The following UBE2E2 variants were observed in gnomAD, a reference collection of about 807,000 sequenced individuals.
UBE2E2 encodes ubiquitin-conjugating enzyme E2 E2.
UBE2E2 carries 6 observed loss-of-function variants against 24.7 expected under a neutral mutation model. The observed-to-expected ratio is 0.24, with a 90% CI of 0.13 to 0.48. The LOEUF is 0.48. Ranked by LOEUF, UBE2E2 falls within the 20% of genes least tolerant of loss-of-function variation. UBE2E2 has a pLI of 0.99. For synonymous variants in UBE2E2, 104 were observed against 83.6 expected, an observed-to-expected ratio of 1.24 and a Z score of -1.33; for missense variants, 169 against 245.0, an observed-to-expected ratio of 0.69 and a Z score of 2.07.
At chr3:23,414,650 G>C (rs995873394) in intron 3 of UBE2E2, among the ~76,000 whole-genome samples, 6 of 152,158 alleles carry the variant, frequency 3.9e-5, no homozygotes, top group Admixed American at 2.0e-4. Flanking sequence ...GCTATGATAT[G>C]TGTCTCCTCA....
At chr3:23,574,229 G>A (rs1696292626) in intron 5 of UBE2E2, among the ~76,000 whole-genome samples, 1 of 152,152 alleles carries the variant, frequency 6.6e-6, no homozygotes, top group Non-Finnish European at 1.5e-5. Flanking sequence ...GGCTGGAAAA[G>A]GTAGTTGGTG....
At chr3:23,354,930 G>GT (rs972768877) in intron 3 of UBE2E2, among the ~76,000 whole-genome samples, 4 of 152,090 alleles carry the variant, frequency 2.6e-5, no homozygotes, top group Admixed American at 2.0e-4. Context: ...ACATGCACAC[G>GT]TATGTTTATT....
At chr3:23,418,997 A>C (rs977963596) in intron 3 of UBE2E2, among the ~76,000 whole-genome samples, 8 of 147,688 alleles carry the variant, frequency 5.4e-5, no homozygotes, top group African/African-American at 2.0e-4. Flanking sequence ...TCTGTTGGCC[A>C]GGCTTGACTG....
At chr3:23,519,565 T>C (rs1425739722) in intron 4 of UBE2E2, among the ~76,000 whole-genome samples, 1 of 152,186 alleles carries the variant, frequency 6.6e-6, no homozygotes, top group Non-Finnish European at 1.5e-5. Flanking sequence ...ACATGTTAAG[T>C]GAGAGTTTTC....
At chr3:23,387,026 AG>A (rs370465270) in intron 3 of UBE2E2, among the ~76,000 whole-genome samples, 57 of 152,326 alleles carry the variant, frequency 3.7e-4, no homozygotes, top group African/African-American at 8.7e-4. Flanking sequence ...GTACCTATAA[AG>A]GATTATGAAA....
chr3:23,369,718 A>C (rs1018292134), intron 3 of UBE2E2, among the ~76,000 whole-genome samples: 1 of 152,202 alleles, frequency 6.6e-6, no homozygotes, highest in Admixed American at 6.5e-5. Context: ...AGAGGTAAGC[A>C]TTAAGGTCCT....
chr3:23,349,285 A>G (rs1161637364), intron 3 of UBE2E2, among the ~76,000 whole-genome samples: 3 of 152,230 alleles, frequency 2.0e-5, no homozygotes, highest in Non-Finnish European at 2.9e-5. Context: ...GCTCCAGTCT[A>G]CAGCTCCCAG....
intron 2 of UBE2E2, among the ~76,000 whole-genome samples, chr3:23,211,390 A>T (rs961913731): frequency 2.7e-5 from 4 of 149,372 alleles, no homozygotes; most frequent in Non-Finnish European, 5.9e-5. Context: ...AGCATTTAGT[A>T]GCTATAGCTC....
chr3:23,292,019 C>T lies in UBE2E2; in HGVS notation c.227+74707C>T, dbSNP rs547685713. ...GACTACAGGCGCCCGCCACCGCACCCGGCTAATTTTTTGTATTTTTAGTAG... is the reference window on the plus strand; with the variant it reads ...GACTACAGGCGCCCGCCACCGCACCTGGCTAATTTTTTGTATTTTTAGTAG... On this transcript the variant is annotated intron_variant, in intron 3 of 5. Coordinates refer to ENST00000396703, the MANE Select transcript of UBE2E2 (RefSeq NM_152653.4). 1.1e-3 allele frequency among the ~76,000 whole-genome samples: 169 copies of T among 152,034 alleles called. 1 individual carries two copies. Among genetic ancestry groups the T allele is most frequent in the African/African-American group, 3.7e-3 (154 of 41,490 alleles).
intron 3 of UBE2E2, among the ~76,000 whole-genome samples, chr3:23,260,177 A>G (rs575556006): frequency 3.3e-5 from 5 of 152,280 alleles, no homozygotes; most frequent in Non-Finnish European, 7.4e-5. Flanking sequence ...TTTTTGTTTG[A>G]TGACACATTA....
rs1401689404 is a variant in UBE2E2 at position 23,587,690 on chromosome 3, T to G, written c.509-2044T>G. 2.6e-5 allele frequency among the ~76,000 whole-genome samples: 4 copies of G among 152,226 alleles called. No homozygotes were observed. The East Asian group carries it at 7.7e-4, about 29-fold the overall frequency. ...TCTAATGTCATTACTTAAGCTCAAGTGAAAGGCTACATTTTTAAAAAAGTA... is the reference window on the plus strand; with the variant it reads ...TCTAATGTCATTACTTAAGCTCAAGGGAAAGGCTACATTTTTAAAAAAGTA... On this transcript the variant is annotated intron_variant, in intron 5 of 5. Transcript: ENST00000396703.
chr3:23,476,004 G>A (rs922270543), intron 3 of UBE2E2, among the ~76,000 whole-genome samples: 2 of 152,036 alleles, frequency 1.3e-5, no homozygotes, highest in African/African-American at 4.8e-5. Flanking sequence ...TATTCAAGAT[G>A]GAGTCACTTT....
At chr3:23,505,825 G>C (rs1575672886) in intron 4 of UBE2E2, among the ~76,000 whole-genome samples, 1 of 151,914 alleles carries the variant, frequency 6.6e-6, no homozygotes, top group East Asian at 1.9e-4. Flanking sequence ...AAATAGATGG[G>C]GTCTTCAGGT....
At chr3:23,331,642 A>G (rs1450044111) in intron 3 of UBE2E2, among the ~76,000 whole-genome samples, 1 of 152,074 alleles carries the variant, frequency 6.6e-6, no homozygotes, top group East Asian at 1.9e-4. Flanking sequence ...CTGAGGTAGA[A>G]AAGGGCATGC....
intron 3 of UBE2E2, among the ~76,000 whole-genome samples, chr3:23,234,144 A>G (rs1575490890): frequency 6.6e-6 from 1 of 151,038 alleles, no homozygotes; most frequent in African/African-American, 2.4e-5. Flanking sequence ...TTGCTGACAA[A>G]ATCTCTGTAC....
chr3:23,419,444 A>G (rs1431602461), intron 3 of UBE2E2, among the ~76,000 whole-genome samples: 1 of 152,136 alleles, frequency 6.6e-6, no homozygotes, highest in Non-Finnish European at 1.5e-5. Flanking sequence ...CACTTTCTTT[A>G]CCAGATCTCC....
intron 5 of UBE2E2, among the ~76,000 whole-genome samples, chr3:23,588,403 T>G (rs939397663): frequency 3.1e-5 from 3 of 97,702 alleles, no homozygotes; most frequent in African/African-American, 1.1e-4. Flanking sequence ...TGTTTTTTTG[T>G]TTTTTTGTTT....
At chr3:23,525,995 C>G (rs1261136547) in intron 4 of UBE2E2, among the ~76,000 whole-genome samples, 1 of 152,152 alleles carries the variant, frequency 6.6e-6, no homozygotes, top group Admixed American at 6.5e-5. Flanking sequence ...TATCAGTTTG[C>G]AAGTATTCTT....
intron 3 of UBE2E2, among the ~76,000 whole-genome samples, chr3:23,434,913 A>G (rs1034946538): frequency 3.3e-5 from 5 of 152,248 alleles, no homozygotes; most frequent in African/African-American, 1.2e-4. Flanking sequence ...CTTTATTGCC[A>G]TAAATCGCTG....
Sources: allele counts gnomAD v4.1 joint callset (sites outside exome capture counted in the v4.1 genomes callset), GRCh38; gene constraint gnomAD v4.1.1; transcripts MANE v1.5; gene names NCBI Gene and HGNC (gene_info 2026-07-23, HGNC 2026-07-21).